NRXN1: variants seen among roughly 807,000 people sequenced by gnomAD.
NRXN1 encodes the protein neurexin-1.
Under a neutral mutation model 150.9 loss-of-function variants are expected in NRXN1, and 39 were observed. The ratio of observed to expected loss-of-function variants is 0.26; its 90% CI spans 0.20 to 0.34. The LOEUF (loss-of-function observed/expected upper bound fraction) is 0.34. Ranked by LOEUF, NRXN1 falls within the 10% of genes least tolerant of loss-of-function variation. NRXN1 has a pLI of 1.00. For missense variants in NRXN1, 1,815 were observed against 1,949.9 expected, an observed-to-expected ratio of 0.93 and a Z score of 1.30; for synonymous variants, 924 against 757.0, an observed-to-expected ratio of 1.22 and a Z score of -3.62.
chr2:50,234,191 T>C (rs1169341296), intron 18 of NRXN1, among the ~76,000 whole-genome samples: 7 of 152,042 alleles, frequency 4.6e-5, no homozygotes. Context: ...ATTTTTATTA[T>C]ATGCTTAAAA....
At chr2:50,047,349 C>CAT (rs971792804) in intron 21 of NRXN1, among the ~76,000 whole-genome samples, 2 of 151,832 alleles carry the variant, frequency 1.3e-5, no homozygotes, top group African/African-American at 2.4e-5. Flanking sequence ...GAGGAACACA[C>CAT]ATATATATAT....
chr2:50,991,832 T>A (rs966314305), intron 2 of NRXN1, among the ~76,000 whole-genome samples: 1 of 152,060 alleles, frequency 6.6e-6, no homozygotes, highest in East Asian at 1.9e-4. Context: ...CTTTTTATTG[T>A]TAACTCCATT....
chr2:50,223,790 G>A (rs1163799161), intron 18 of NRXN1, among the ~76,000 whole-genome samples: 6 of 151,890 alleles, frequency 4.0e-5, no homozygotes, highest in Non-Finnish European at 1.5e-5. Context: ...TTTAGTTTGG[G>A]GTGCGGGGGG....
At chr2:50,386,518 A>C (rs2081338645) in intron 17 of NRXN1, among the ~76,000 whole-genome samples, 1 of 152,132 alleles carries the variant, frequency 6.6e-6, no homozygotes, top group African/African-American at 2.4e-5. Context: ...GCAAAGTCAT[A>C]ATAAGATTAT....
At position 49,921,569 on chromosome 2, in the gene NRXN1, T is replaced by G. The variant is rs967497364; in HGVS notation, c.*375A>C. The G allele has an allele frequency of 1.1e-5, 2 of 188,428 alleles. No individual in the cohort carries two copies. The highest frequency in any genetic ancestry group is 2.2e-5 in the Non-Finnish European group (2 of 91,080). The allele number at this position is 188,428 out of a possible 1,614,324, so 11.7% of individuals were successfully genotyped here. On this transcript the variant is annotated 3_prime_UTR_variant, in exon 23 of 23. Coordinates refer to ENST00000401669, the MANE Select transcript of NRXN1 (RefSeq NM_001330078.2). ...GGCTAAATCCAGGATCATAGGTAGCTTCTTTTTTGTGTTATGTTTTGTGTT... is the reference window on the plus strand; with the variant it reads ...GGCTAAATCCAGGATCATAGGTAGCGTCTTTTTTGTGTTATGTTTTGTGTT...
chr2:50,594,707 G>A (rs1674859281), intron 8 of NRXN1, among the ~76,000 whole-genome samples: 1 of 152,124 alleles, frequency 6.6e-6, no homozygotes, highest in Non-Finnish European at 1.5e-5. Context: ...TTAAATTTTA[G>A]TTATTGATTC....
chr2:50,420,107 C>CTCT (rs754754851), intron 17 of NRXN1, among the ~76,000 whole-genome samples: 27 of 152,074 alleles, frequency 1.8e-4, no homozygotes, highest in Non-Finnish European at 3.5e-4. Flanking sequence ...AAATGACAGA[C>CTCT]TTAAGAGAGG....
At chr2:50,300,853 G>A (rs1298307314) in intron 17 of NRXN1, among the ~76,000 whole-genome samples, 2 of 152,056 alleles carry the variant, frequency 1.3e-5, no homozygotes, top group African/African-American at 4.8e-5. Context: ...CTGGCACCAC[G>A]CCTGGCTAAT....
At chr2:50,229,163 C>A (rs1303171480) in intron 18 of NRXN1, among the ~76,000 whole-genome samples, 1 of 152,014 alleles carries the variant, frequency 6.6e-6, no homozygotes, top group Non-Finnish European at 1.5e-5. Context: ...AATAAACTTG[C>A]CCATGTCTAG....
At chr2:50,838,000 T>C (rs1419409405) in intron 5 of NRXN1, among the ~76,000 whole-genome samples, 1 of 152,124 alleles carries the variant, frequency 6.6e-6, no homozygotes, top group African/African-American at 2.4e-5. Flanking sequence ...CATAAGACTG[T>C]TGCCTGAGTG....
chr2:50,299,071 G>A lies in NRXN1; in HGVS notation c.3365-62101C>T, dbSNP rs115482627. 7.6e-3 allele frequency among the ~76,000 whole-genome samples: 1,162 copies of A among 152,110 alleles called. 12 individuals are homozygous for A. Among genetic ancestry groups the A allele is most frequent in the African/African-American group, 0.026 (1,089 of 41,506 alleles). On this transcript the variant is annotated intron_variant, in intron 17 of 22. Coordinates refer to ENST00000401669, the MANE Select transcript of NRXN1 (RefSeq NM_001330078.2). ...TCTGACCCCTGAGGTAGCACTTTGG[G>A]GAATTGGGCTACATAATCATGTAGA...
At chr2:50,422,000 G>A (rs767907244) in intron 17 of NRXN1, among the ~76,000 whole-genome samples, 2 of 151,908 alleles carry the variant, frequency 1.3e-5, no homozygotes, top group Admixed American at 6.6e-5. Flanking sequence ...CTTCATATAC[G>A]CTTTCAGGTT....
At chr2:50,251,253 C>T (rs1008926948) in intron 17 of NRXN1, among the ~76,000 whole-genome samples, 4 of 152,034 alleles carry the variant, frequency 2.6e-5, no homozygotes, top group African/African-American at 9.7e-5. Context: ...CATTGTTCAG[C>T]TCCCACTTAT....
chr2:50,130,958 T>G (rs1455945859), intron 18 of NRXN1, among the ~76,000 whole-genome samples: 2 of 152,210 alleles, frequency 1.3e-5, no homozygotes, highest in Non-Finnish European at 2.9e-5. Context: ...AAAAATATTT[T>G]TGCATGAACA....
At chr2:50,682,193 C>T (rs1469679833) in intron 5 of NRXN1, among the ~76,000 whole-genome samples, 4 of 152,322 alleles carry the variant, frequency 2.6e-5, no homozygotes, top group African/African-American at 9.6e-5. Flanking sequence ...TTCCTCCTTG[C>T]AAACTGGGTG....
chr2:50,163,271 G>C (rs1363857086), intron 18 of NRXN1, among the ~76,000 whole-genome samples: 1 of 151,354 alleles, frequency 6.6e-6, no homozygotes, highest in Non-Finnish European at 1.5e-5. Flanking sequence ...GACGTCCAAT[G>C]ATACACGGTT....
intron 12 of NRXN1, among the ~76,000 whole-genome samples, chr2:50,507,448 C>T (rs1180800374): frequency 6.6e-6 from 1 of 151,486 alleles, no homozygotes; most frequent in Non-Finnish European, 1.5e-5. Flanking sequence ...TATTAAACAA[C>T]AGTAGAGAGC....
chr2:50,555,372 G>C (rs1426681805), intron 8 of NRXN1, among the ~76,000 whole-genome samples: 5 of 152,084 alleles, frequency 3.3e-5, no homozygotes, highest in Admixed American at 3.3e-4. Flanking sequence ...GTCTAAGTCT[G>C]GGCAAGGATT....
intron 21 of NRXN1, among the ~76,000 whole-genome samples, chr2:50,033,300 C>A (rs1436381675): frequency 6.6e-6 from 1 of 151,980 alleles, no homozygotes; most frequent in Non-Finnish European, 1.5e-5. Flanking sequence ...CAGAACAGAA[C>A]AGAGAGCCCA....
Sources: allele counts gnomAD v4.1 joint callset (sites outside exome capture counted in the v4.1 genomes callset), GRCh38; gene constraint gnomAD v4.1.1; transcripts MANE v1.5; gene names NCBI Gene and HGNC (gene_info 2026-07-23, HGNC 2026-07-21).